Variants in GRAMD1B observed in about 807,000 individuals in gnomAD.
The protein encoded by GRAMD1B is GRAM domain containing 1B.
Under a neutral mutation model 99.7 loss-of-function variants are expected in GRAMD1B, and 37 were observed. The ratio of observed to expected loss-of-function variants is 0.37; its 90% CI spans 0.29 to 0.49. The LOEUF is 0.49. Among genes scored for constraint, GRAMD1B ranks in the 20% least tolerant of loss-of-function variants. GRAMD1B has a pLI of 0.98. For synonymous variants in GRAMD1B, 427 were observed against 387.6 expected (o/e 1.10, Z -1.19); for missense variants, 888 against 1,009.2 (o/e 0.88, Z 1.63).
chr11:123,378,334 C>T (rs1377205974), intron 1 of GRAMD1B, among the ~76,000 whole-genome samples: 1 of 152,174 alleles, frequency 6.6e-6, no homozygotes, highest in African/African-American at 2.4e-5. Context: ...TCTGCTACTC[C>T]CTAGCTGAAT....
chr11:123,437,220 A>T (rs1282838895), intron 1 of GRAMD1B, among the ~76,000 whole-genome samples: 2 of 152,132 alleles, frequency 1.3e-5, no homozygotes, highest in Non-Finnish European at 2.9e-5. Flanking sequence ...CCTGCAGTTG[A>T]TGGGGCAGGC....
intron 2 of GRAMD1B, among the ~76,000 whole-genome samples, chr11:123,512,403 T>C (rs1941118144): frequency 6.6e-6 from 1 of 152,202 alleles, no homozygotes; most frequent in Admixed American, 6.5e-5. Context: ...GTGGCTGGTT[T>C]GGAAAGGTCT....
chr11:123,370,110 T>C (rs1343039173), intron 1 of GRAMD1B, among the ~76,000 whole-genome samples: 1 of 150,958 alleles, frequency 6.6e-6, no homozygotes. Flanking sequence ...ATGTCAGGAG[T>C]TCGAGACCAG....
At chr11:123,616,105 T>A (rs571496091) in intron 17 of GRAMD1B, among the ~76,000 whole-genome samples, 1 of 152,230 alleles carries the variant, frequency 6.6e-6, no homozygotes, top group African/African-American at 2.4e-5. Flanking sequence ...AGGCGGATCA[T>A]GAGGTCAGGA....
chr11:123,592,888 A>C (rs577250895), intron 4 of GRAMD1B, among the ~76,000 whole-genome samples: 1 of 152,104 alleles, frequency 6.6e-6, no homozygotes, highest in South Asian at 2.1e-4. Flanking sequence ...ATTTGTGGGC[A>C]CGTATTTTCT....
intron 8 of GRAMD1B, among the ~76,000 whole-genome samples, chr11:123,601,477 G>A (rs750227200): frequency 1.1e-4 from 17 of 151,388 alleles, no homozygotes; most frequent in Non-Finnish European, 2.2e-4. Flanking sequence ...AAAACGCACC[G>A]ACACACACAC....
chr11:123,447,774 C>G (rs978462385), intron 1 of GRAMD1B, among the ~76,000 whole-genome samples: 1 of 152,202 alleles, frequency 6.6e-6, no homozygotes, highest in Non-Finnish European at 1.5e-5. Context: ...ATCTATGAGG[C>G]CTCCAAGTCT....
intron 2 of GRAMD1B, among the ~76,000 whole-genome samples, chr11:123,548,365 T>TAC (rs113307581): frequency 0.1 from 13,347 of 128,904 alleles, 1,820 homozygotes; most frequent in African/African-American, 0.32. Flanking sequence ...TATATATATG[T>TAC]ACACACACAC....
At chr11:123,442,961 A>G (rs1042708129) in intron 1 of GRAMD1B, among the ~76,000 whole-genome samples, 2 of 151,802 alleles carry the variant, frequency 1.3e-5, no homozygotes, top group Non-Finnish European at 2.9e-5. Context: ...GAGGATGACT[A>G]GAGGTCATTC....
intron 2 of GRAMD1B, among the ~76,000 whole-genome samples, chr11:123,550,495 T>A (rs548374135): frequency 6.6e-6 from 1 of 152,258 alleles, no homozygotes; most frequent in Non-Finnish European, 1.5e-5. Context: ...CTAACAATAG[T>A]GTTTTCACGC....
At chr11:123,553,495 G>A (rs1343537131) in intron 2 of GRAMD1B, among the ~76,000 whole-genome samples, 1 of 152,204 alleles carries the variant, frequency 6.6e-6, no homozygotes, top group Non-Finnish European at 1.5e-5. Flanking sequence ...AATGTTGGTT[G>A]CTAAAGGGTG....
At chr11:123,482,733 A>C (rs1951680923) in intron 2 of GRAMD1B, among the ~76,000 whole-genome samples, 1 of 152,174 alleles carries the variant, frequency 6.6e-6, no homozygotes, top group African/African-American at 2.4e-5. Context: ...TCCATAAAAG[A>C]ATGATTATAT....
chr11:123,570,082 C>G (rs1349031862), intron 2 of GRAMD1B, among the ~76,000 whole-genome samples: 1 of 152,256 alleles, frequency 6.6e-6, no homozygotes. Flanking sequence ...AAACAGGTCT[C>G]TGTCACTTTT....
At position 123,370,273 on chromosome 11, in the gene GRAMD1B, G is replaced by A. The variant is rs541623982; in HGVS notation, c.-176+11474G>A. On this transcript the variant is annotated intron_variant, in intron 1 of 20. Coordinates refer to the GRAMD1B transcript ENST00000638157. ...GGAGGTTGCACTGAGCCGAGATTGC[G>A]CCACTGCACTCCAGCCTGGGTGCCA... is the stretch of plus-strand genomic sequence containing the variant. Among the ~76,000 whole-genome samples, 23 of 149,468 alleles carry A rather than the reference G, an allele frequency of 1.5e-4. No individual in the cohort carries two copies. In the East Asian group the frequency reaches 3.6e-3, roughly 23 times the overall value.
At chr11:123,375,072 A>G (rs1171844314) in intron 1 of GRAMD1B, among the ~76,000 whole-genome samples, 1 of 152,226 alleles carries the variant, frequency 6.6e-6, no homozygotes, top group Non-Finnish European at 1.5e-5. Context: ...TAAGGATAGT[A>G]TCTTCATGAT....
intron 2 of GRAMD1B, among the ~76,000 whole-genome samples, chr11:123,575,144 C>T (rs940991183): frequency 3.3e-5 from 5 of 151,984 alleles, no homozygotes; most frequent in Admixed American, 2.6e-4. Flanking sequence ...ATGTGAGATT[C>T]GTGTGGTTTT....
chr11:123,509,668 G>A (rs1028013534), intron 2 of GRAMD1B, among the ~76,000 whole-genome samples: 2 of 152,254 alleles, frequency 1.3e-5, no homozygotes, highest in African/African-American at 4.8e-5. Context: ...TGAGCAGCCT[G>A]TTCCTCTCTT....
At chr11:123,618,866 A>G in intron 18 of GRAMD1B, 66 bp downstream of exon 18, 1 of 852,674 alleles carries the variant, frequency 1.2e-6, no homozygotes, top group Non-Finnish European at 2.0e-6. Flanking sequence ...CCTGTCTCCC[A>G]GTCTCCTTGG....
rs1474852423 is a variant in GRAMD1B, at chr11:123,435,624, G to C, written c.374+4458G>C. ...TTCATCTTTGTATCGTCACAGCACT[G>C]TACCTGACCTCTTACAGTGATCTAT... On this transcript the variant is annotated intron_variant, in intron 1 of 19. Transcript: ENST00000635736. 3 of 557,354 alleles carry C rather than the reference G, an allele frequency of 5.4e-6. No homozygotes were observed. In the African/African-American group the frequency reaches 5.6e-5, roughly 10 times the overall value. The allele number at this position is 557,354 out of a possible 1,614,324, so 34.5% of individuals were successfully genotyped here. A position where few individuals can be genotyped will look rare whatever the true frequency, so the allele number is the denominator to read the frequency against.
Sources: allele counts gnomAD v4.1 joint callset (sites outside exome capture counted in the v4.1 genomes callset), GRCh38; gene constraint gnomAD v4.1.1; transcripts MANE v1.5; gene names NCBI Gene and HGNC (gene_info 2026-07-23, HGNC 2026-07-21).